IL1RAPL2: variants seen among roughly 807,000 people sequenced by gnomAD.
IL1RAPL2 encodes the protein X-linked interleukin-1 receptor accessory protein-like 2.
Under a neutral mutation model 44.1 loss-of-function variants are expected in IL1RAPL2, and 3 were observed. That is an observed-to-expected ratio of 0.07 (90% confidence interval 0.03 to 0.18). The LOEUF is 0.18. Ranked by LOEUF, IL1RAPL2 falls within the 10% of genes least tolerant of loss-of-function variation. The pLI is 1.00. For missense variants in IL1RAPL2, 391 were observed against 496.4 expected (o/e 0.79, Z 2.02); for synonymous variants, 181 against 178.8 (o/e 1.01, Z -0.10).
rs987485186 is a variant in IL1RAPL2, at chrX:104,821,417, C to T, written c.82+162422C>T. On this transcript the variant is annotated intron_variant, in intron 2 of 10. Coordinates refer to ENST00000372582, the MANE Select transcript of IL1RAPL2 (RefSeq NM_017416.2). ...CCTTGCCCCCCACCTGTTGACAGGC[C>T]CTGATGTGTGATGTTTCCTTCCCTG... is the stretch of plus-strand genomic sequence containing the variant. Among the ~76,000 whole-genome samples, 2 of 110,091 alleles carry T rather than the reference C, an allele frequency of 1.8e-5. 1 individual carries two copies. Among genetic ancestry groups the T allele is most frequent in the Non-Finnish European group, 3.8e-5 (2 of 52,819 alleles).
intron 2 of IL1RAPL2, among the ~76,000 whole-genome samples, chrX:104,787,651 T>C (rs1255361788): frequency 1.8e-5 from 2 of 111,392 alleles, no homozygotes; most frequent in Admixed American, 9.5e-5. Context: ...TGGGAATGAC[T>C]GGGTACAGTA....
At chrX:105,748,399 G>T (rs1285767593) in intron 8 of IL1RAPL2, among the ~76,000 whole-genome samples, 1 of 111,651 alleles carries the variant, frequency 9.0e-6, no homozygotes, top group Non-Finnish European at 1.9e-5. Context: ...AATAAGTAGG[G>T]GAAATGGATA....
At chrX:104,903,070 T>G in intron 2 of IL1RAPL2, among the ~76,000 whole-genome samples, 1 of 111,640 alleles carries the variant, frequency 9.0e-6, no homozygotes, top group South Asian at 3.8e-4. Flanking sequence ...TGTAGCTTTT[T>G]TGGCTGCAGA....
At chrX:104,594,921 G>T (rs1211845843) in intron 1 of IL1RAPL2, among the ~76,000 whole-genome samples, 2 of 112,099 alleles carry the variant, frequency 1.8e-5, no homozygotes, top group African/African-American at 6.5e-5. Context: ...TTTAGATAGT[G>T]AGAAGATGAT....
rs113574337 is a variant in IL1RAPL2, at chrX:104,891,362, C to T, written c.82+232367C>T. On this transcript the variant is annotated intron_variant, in intron 2 of 10. Coordinates refer to ENST00000372582, the MANE Select transcript of IL1RAPL2 (RefSeq NM_017416.2). ...AAGTCATTGGTAGTTTGATGGGGAT[C>T]GCATTGAATCTATAAATTACCTTGG... 7.2e-5 allele frequency among the ~76,000 whole-genome samples: 8 copies of T among 111,771 alleles called. No homozygotes were observed. The East Asian group carries it at 1.1e-3, about 16-fold the overall frequency.
chrX:104,877,467 C>T (rs1922938670), intron 2 of IL1RAPL2, among the ~76,000 whole-genome samples: 2 of 112,376 alleles, frequency 1.8e-5, no homozygotes, highest in South Asian at 7.3e-4. Context: ...CATCCTGATA[C>T]CAAAGCCGGG....
intron 2 of IL1RAPL2, among the ~76,000 whole-genome samples, chrX:104,953,256 AG>A (rs1166974448): frequency 8.9e-6 from 1 of 111,825 alleles, no homozygotes; most frequent in Non-Finnish European, 1.9e-5. Flanking sequence ...TAACAAGTCA[AG>A]AAGTACATAT....
intron 2 of IL1RAPL2, among the ~76,000 whole-genome samples, chrX:105,035,105 G>C (rs1376016558): frequency 9.0e-6 from 1 of 111,563 alleles, no homozygotes; most frequent in Non-Finnish European, 1.9e-5. Context: ...TGAAGTATTA[G>C]GGTGGGAGTG....
intron 2 of IL1RAPL2, among the ~76,000 whole-genome samples, chrX:104,943,476 G>T (rs935024796): frequency 9.0e-6 from 1 of 111,722 alleles, no homozygotes; most frequent in Non-Finnish European, 1.9e-5. Context: ...TGACTAATCT[G>T]TCTTTTCTGT....
intron 1 of IL1RAPL2, among the ~76,000 whole-genome samples, chrX:104,580,455 G>A (rs181983838): frequency 8.9e-6 from 1 of 112,592 alleles, no homozygotes; most frequent in Non-Finnish European, 1.9e-5. Flanking sequence ...GTTTGGTAGG[G>A]GAACCATATA....
intron 6 of IL1RAPL2, among the ~76,000 whole-genome samples, chrX:105,618,121 TCACA>T (rs746820303): frequency 1.8e-3 from 180 of 101,222 alleles, no homozygotes; most frequent in African/African-American, 5.6e-3. Context: ...TCTCTCTCAC[TCACA>T]CACACACACA....
At chrX:104,755,271 A>C (rs1196418384) in intron 2 of IL1RAPL2, among the ~76,000 whole-genome samples, 1 of 110,326 alleles carries the variant, frequency 9.1e-6, no homozygotes, top group African/African-American at 3.3e-5. Flanking sequence ...TTTTTCACTG[A>C]TCTTGTGGCA....
At chrX:105,722,003 G>A (rs1452738624) in intron 7 of IL1RAPL2, among the ~76,000 whole-genome samples, 1 of 111,854 alleles carries the variant, frequency 8.9e-6, no homozygotes, top group Non-Finnish European at 1.9e-5. Context: ...GTTGCCTAAT[G>A]ATGGGGATAC....
At chrX:104,920,103 T>C (rs1265695927) in intron 2 of IL1RAPL2, among the ~76,000 whole-genome samples, 3 of 111,046 alleles carry the variant, frequency 2.7e-5, no homozygotes, top group Admixed American at 9.6e-5. Flanking sequence ...GATCATTTCT[T>C]CTCCTCCTCT....
chrX:104,578,462 C>A (rs189068116), intron 1 of IL1RAPL2, among the ~76,000 whole-genome samples: 2 of 111,857 alleles, frequency 1.8e-5, no homozygotes, highest in East Asian at 5.6e-4. Flanking sequence ...TGAGCTGGAT[C>A]TACCAGAGAG....
chrX:105,353,415 C>G (rs959193467), intron 5 of IL1RAPL2, among the ~76,000 whole-genome samples: 1 of 111,378 alleles, frequency 9.0e-6, no homozygotes, highest in East Asian at 2.8e-4. Context: ...GCAACGCGGG[C>G]TCTTTTTTGG....
chrX:105,467,176 C>T (rs1318730342), intron 5 of IL1RAPL2, among the ~76,000 whole-genome samples: 1 of 111,698 alleles, frequency 9.0e-6, no homozygotes, highest in Non-Finnish European at 1.9e-5. Flanking sequence ...TAAGGTGAAG[C>T]TTTCATTCAC....
At chrX:104,723,565 A>C (rs1413376301) in intron 2 of IL1RAPL2, among the ~76,000 whole-genome samples, 1 of 110,492 alleles carries the variant, frequency 9.1e-6, no homozygotes, top group African/African-American at 3.3e-5. Flanking sequence ...TTGGAATTAC[A>C]GATCCCTAAG....
intron 5 of IL1RAPL2, among the ~76,000 whole-genome samples, chrX:105,348,908 G>C (rs1005884102): frequency 1.8e-5 from 2 of 111,760 alleles, no homozygotes; most frequent in African/African-American, 6.5e-5. Context: ...AGGGAGGCCT[G>C]AAGATTGGTT....
Sources: allele counts gnomAD v4.1 joint callset (sites outside exome capture counted in the v4.1 genomes callset), GRCh38; gene constraint gnomAD v4.1.1; transcripts MANE v1.5; gene names NCBI Gene and HGNC (gene_info 2026-07-23, HGNC 2026-07-21).